RBMS3: variants seen among roughly 807,000 people sequenced by gnomAD.
The protein encoded by RBMS3 is RNA-binding motif, single-stranded-interacting protein 3.
RBMS3 carries 27 observed loss-of-function variants against 66.8 expected under a neutral mutation model. The ratio of observed to expected loss-of-function variants is 0.40; its 90% CI spans 0.30 to 0.56. The LOEUF is 0.56. RBMS3 is among the 20% of genes least tolerant of loss of function. RBMS3 has a pLI of 0.40. For synonymous variants in RBMS3, 188 were observed against 183.0 expected, an observed-to-expected ratio of 1.03 and a Z score of -0.22; for missense variants, 513 against 549.5, an observed-to-expected ratio of 0.93 and a Z score of 0.66.
intron 1 of RBMS3, among the ~76,000 whole-genome samples, chr3:29,306,629 C>A (rs1400422479): frequency 6.6e-6 from 1 of 151,936 alleles, no homozygotes. Flanking sequence ...TTCTACATTT[C>A]TGCCAGAACC....
intron 4 of RBMS3, among the ~76,000 whole-genome samples, chr3:29,627,286 T>TTC (rs140189450): frequency 6.7e-6 from 1 of 149,072 alleles, no homozygotes; most frequent in Non-Finnish European, 1.5e-5. Context: ...TCTCTCTCTC[T>TTC]TCTCTCTCTC....
intron 6 of RBMS3, among the ~76,000 whole-genome samples, chr3:29,807,118 G>A (rs1305969396): frequency 6.6e-6 from 1 of 151,754 alleles, no homozygotes; most frequent in Non-Finnish European, 1.5e-5. Context: ...AAACATGACG[G>A]GGCTGTAACA....
At chr3:29,598,325 G>C (rs1576329348) in intron 4 of RBMS3, among the ~76,000 whole-genome samples, 1 of 152,054 alleles carries the variant, frequency 6.6e-6, no homozygotes, top group African/African-American at 2.4e-5. Flanking sequence ...TATTCCCGAG[G>C]AAGCCACTCC....
At chr3:29,415,008 A>G (rs191705607) in intron 1 of RBMS3, among the ~76,000 whole-genome samples, 1 of 152,222 alleles carries the variant, frequency 6.6e-6, no homozygotes, top group Non-Finnish European at 1.5e-5. Context: ...AAATGAGGAT[A>G]TGGCTGATAA....
At chr3:29,733,847 T>C (rs2054245184) in intron 4 of RBMS3, among the ~76,000 whole-genome samples, 1 of 152,168 alleles carries the variant, frequency 6.6e-6, no homozygotes, top group Admixed American at 6.5e-5. Context: ...CCCTTTCCCT[T>C]ATGTAGTCTT....
At chr3:29,863,199 A>G (rs1051111646) in intron 6 of RBMS3, among the ~76,000 whole-genome samples, 2 of 151,320 alleles carry the variant, frequency 1.3e-5, no homozygotes, top group Non-Finnish European at 2.9e-5. Flanking sequence ...GGGGAACATC[A>G]AACACCGGAG....
At chr3:29,737,086 C>T (rs1323873549) in intron 4 of RBMS3, among the ~76,000 whole-genome samples, 1 of 152,082 alleles carries the variant, frequency 6.6e-6, no homozygotes, top group East Asian at 1.9e-4. Context: ...ACGCCATTCT[C>T]CTGCCTCAGC....
At chr3:29,953,485 T>C (rs865857580) in intron 12 of RBMS3, among the ~76,000 whole-genome samples, 19 of 151,960 alleles carry the variant, frequency 1.3e-4, no homozygotes, top group African/African-American at 4.6e-4. Flanking sequence ...AAGATTTCCA[T>C]AAATTCTTTC....
At chr3:29,796,710 A>ATTTTTTTTTTTT (rs1576829680) in intron 6 of RBMS3, among the ~76,000 whole-genome samples, 50 of 93,340 alleles carry the variant, frequency 5.4e-4, no homozygotes, top group Middle Eastern at 5.7e-3. Context: ...TTTGAAAGGA[A>ATTTTTTTTTTTT]TCTTTTTTTT....
intron 2 of RBMS3, among the ~76,000 whole-genome samples, chr3:29,460,903 C>T (rs1229241333): frequency 1.3e-5 from 2 of 152,136 alleles, no homozygotes; most frequent in Non-Finnish European, 2.9e-5. Context: ...TATGACCCAT[C>T]TTAGTTTTCT....
intron 6 of RBMS3, among the ~76,000 whole-genome samples, chr3:29,800,478 G>T (rs1477726285): frequency 1.3e-5 from 2 of 152,092 alleles, no homozygotes; most frequent in East Asian, 1.9e-4. Context: ...TAATTTATGA[G>T]ATATTTTCTA....
chr3:29,727,958 C>T (rs2053955006), intron 4 of RBMS3, among the ~76,000 whole-genome samples: 1 of 152,162 alleles, frequency 6.6e-6, no homozygotes, highest in African/African-American at 2.4e-5. Context: ...GAACCAACCC[C>T]AATGTCCATC....
chr3:29,870,821 T>G (rs929256773), intron 7 of RBMS3, among the ~76,000 whole-genome samples: 1 of 152,162 alleles, frequency 6.6e-6, no homozygotes, highest in African/African-American at 2.4e-5. Flanking sequence ...AATTTATCTG[T>G]GACCAATAAA....
At chr3:29,387,791 A>T (rs1449442570) in intron 1 of RBMS3, among the ~76,000 whole-genome samples, 1 of 152,078 alleles carries the variant, frequency 6.6e-6, no homozygotes, top group East Asian at 1.9e-4. Context: ...AATTCATGCC[A>T]TGCTTTTCTG....
In RBMS3 at chr3:29,991,216, C is replaced by T. The variant is rs905339304; in HGVS notation, c.1307+7C>T. On this transcript the variant is annotated splice_region_variant and intron_variant, in intron 14 of 14. Coordinates refer to ENST00000383767, the MANE Select transcript of RBMS3 (RefSeq NM_001003793.3). Reference sequence around the variant, plus strand: ...ATTCTTACCAACAGTCTAAGTAAGTCTGGGCTGTGCTAAGCTCTTTTCCTC... The same window carrying T: ...ATTCTTACCAACAGTCTAAGTAAGTTTGGGCTGTGCTAAGCTCTTTTCCTC... 7 of 1,613,610 alleles carry T rather than the reference C, an allele frequency of 4.3e-6. No homozygotes were observed. Among genetic ancestry groups the T allele is most frequent in the Admixed American group, 1.7e-5 (1 of 59,970 alleles).
At chr3:29,991,381 A>C (rs1362225933) in intron 14 of RBMS3, 172 bp downstream of exon 14, 3 of 1,038,160 alleles carry the variant, frequency 2.9e-6, no homozygotes, top group Non-Finnish European at 4.1e-6. Flanking sequence ...CTTTGGGTGG[A>C]TGGTTCTTCT....
At chr3:29,418,123 CT>C (rs1278563942) in intron 1 of RBMS3, among the ~76,000 whole-genome samples, 1 of 152,094 alleles carries the variant, frequency 6.6e-6, no homozygotes, top group Non-Finnish European at 1.5e-5. Context: ...AGCACATCAG[CT>C]ACAAACATAA....
At chr3:29,744,864 C>G (rs1197829243) in intron 5 of RBMS3, among the ~76,000 whole-genome samples, 1 of 151,210 alleles carries the variant, frequency 6.6e-6, no homozygotes, top group African/African-American at 2.4e-5. Flanking sequence ...TTGTACATAT[C>G]TCTTGAATGT....
At chr3:29,932,817 A>G (rs1263519144) in intron 10 of RBMS3, among the ~76,000 whole-genome samples, 2 of 152,186 alleles carry the variant, frequency 1.3e-5, no homozygotes, top group Non-Finnish European at 2.9e-5. Flanking sequence ...TTTACGCCAC[A>G]CATGATGATC....
Sources: gnomAD v4.1 joint callset for allele counts (sites outside exome capture counted in the v4.1 genomes callset) on GRCh38, gnomAD v4.1.1 for gene constraint, MANE v1.5 for transcripts, NCBI Gene and HGNC (gene_info 2026-07-23, HGNC 2026-07-21) for gene names.